Variants in G3BP1 observed in about 807,000 individuals in gnomAD.
The protein encoded by G3BP1 is ras GTPase-activating protein-binding protein 1.
Under a neutral mutation model 58.6 loss-of-function variants are expected in G3BP1, and 35 were observed. The observed-to-expected ratio is 0.60, with a 90% confidence interval of 0.46 to 0.79. G3BP1 has a LOEUF of 0.79. Among genes scored for constraint, G3BP1 ranks in the 30% least tolerant of loss-of-function variants. The pLI is 0.00. For missense variants in G3BP1, 523 were observed against 580.8 expected, an observed-to-expected ratio of 0.90 and a Z score of 1.02; for synonymous variants, 191 against 195.4, an observed-to-expected ratio of 0.98 and a Z score of 0.19.
Position 151,790,402 on chromosome 5 carries a change from A to G in G3BP1, c.175A>G (p.Lys59Glu), listed in dbSNP as rs769641449. The G allele has an allele frequency of 1.9e-6, 3 of 1,560,218 alleles. No homozygotes were observed. In the South Asian group the frequency reaches 3.6e-5, roughly 19 times the overall value. ...GKPADAVYGQ[K>E]EIHRKVMSQN... The stretch of plus-strand genomic sequence containing the variant: ...GCCAGCAGATGCAGTCTACGGACAG[A>G]AAGTAAGCATTTCAAGCCTTATTTA... The change falls in exon 3 of 12, where the codon AAA becomes GAA. Residue 59 changes from lysine to glutamate, a missense_variant and splice_region_variant. Physicochemically the swap from Lys to Glu is moderately conservative, Grantham distance 56. Coordinates refer to ENST00000356245, the MANE Select transcript of G3BP1 (RefSeq NM_005754.3).
intron 6 of G3BP1, among the ~76,000 whole-genome samples, chr5:151,795,964 T>C (rs1185836429): frequency 1.3e-5 from 2 of 152,234 alleles, no homozygotes; most frequent in Non-Finnish European, 2.9e-5. Flanking sequence ...TAAATACCAA[T>C]ATGTGAGTTA....
chr5:151,781,992 GA>G (rs893379596), intron 1 of G3BP1, among the ~76,000 whole-genome samples: 2 of 151,384 alleles, frequency 1.3e-5, no homozygotes, highest in Non-Finnish European at 2.9e-5. Flanking sequence ...AAATGCTTGG[GA>G]TTTTTTTTTT....
At chr5:151,800,192 C>G in intron 9 of G3BP1, 26 bp from the exon 10 acceptor site, 1 of 1,608,310 alleles carries the variant, frequency 6.2e-7, no homozygotes, top group Non-Finnish European at 8.5e-7. Flanking sequence ...TCTTGTCTTT[C>G]ATTGATGTTT....
chr5:151,806,015 T>C lies in G3BP1; in HGVS notation c.*1924T>C, dbSNP rs1196668661. 2.6e-5 allele frequency: 4 copies of C among 152,126 alleles called. No individual in the cohort carries two copies. Among genetic ancestry groups the C allele is most frequent in the African/African-American group, 9.7e-5 (4 of 41,408 alleles). The allele number at this position is 152,126 out of a possible 1,614,324, so 9.4% of individuals were successfully genotyped here. On this transcript the variant is annotated 3_prime_UTR_variant, in exon 12 of 12. Coordinates refer to ENST00000356245, the MANE Select transcript of G3BP1 (RefSeq NM_005754.3). ...CTAGATGCAGCAATCCTCAGCTTGG[T>C]GTTATCACATACTAGAGGACATTTG...
chr5:151,790,821 T>C (rs1270707637), intron 3 of G3BP1, 68 bp from the exon 4 acceptor site: 3 of 891,820 alleles, frequency 3.4e-6, no homozygotes, highest in Non-Finnish European at 5.2e-6. Context: ...AGGTTTTTTT[T>C]AGTTGGAGGT....
In G3BP1 at chr5:151,811,888, C is replaced by A. The variant is rs780980053; in HGVS notation, c.*7797C>A. 3.9e-5 allele frequency: 6 copies of A among 152,180 alleles called. No individual in the cohort carries two copies. The highest frequency in any genetic ancestry group is 8.8e-5 in the Non-Finnish European group (6 of 68,028). The allele number at this position is 152,180 out of a possible 1,614,324, so 9.4% of individuals were successfully genotyped here. A position where few individuals can be genotyped will look rare whatever the true frequency, so the allele number is the denominator to read the frequency against. On this transcript the variant is annotated 3_prime_UTR_variant, in exon 12 of 12. Coordinates refer to ENST00000356245, the MANE Select transcript of G3BP1 (RefSeq NM_005754.3). ...AATTTCCATATAAAAGACATACTAT[C>A]ACATTTTCTTCTTCATAAGGATGAG... is the stretch of plus-strand genomic sequence containing the variant.
Position 151,809,364 on chromosome 5 carries a change from A to G in G3BP1, c.*5273A>G, listed in dbSNP as rs1376058284. 5 of 152,152 alleles carry G rather than the reference A, an allele frequency of 3.3e-5. No individual in the cohort carries two copies. Among genetic ancestry groups the G allele is most frequent in the Non-Finnish European group, 5.9e-5 (4 of 68,026 alleles). 9.4% of individuals were successfully genotyped at this position (152,152 alleles called of 1,614,324 possible). A position where few individuals can be genotyped will look rare whatever the true frequency, so the allele number is the denominator to read the frequency against. ...GAGTAGGAGATGAGAAAACTTTTTG[A>G]AAAATCATTTGGTGCATGCTAAGGT... On this transcript the variant is annotated 3_prime_UTR_variant, in exon 12 of 12. Transcript: ENST00000356245.
intron 1 of G3BP1, among the ~76,000 whole-genome samples, chr5:151,779,577 A>G (rs546215005): frequency 5.9e-5 from 9 of 152,348 alleles, no homozygotes; most frequent in African/African-American, 1.9e-4. Context: ...TACTAAAAAC[A>G]CTTTTAAATA....
At chr5:151,788,674 A>G (rs761021389) in intron 2 of G3BP1, among the ~76,000 whole-genome samples, 1 of 149,536 alleles carries the variant, frequency 6.7e-6, no homozygotes, top group Non-Finnish European at 1.5e-5. Context: ...CCTGGAATGC[A>G]GTGGTGAGAG....
At chr5:151,784,489 GTGTC>G (rs2113225226) in intron 1 of G3BP1, among the ~76,000 whole-genome samples, 1 of 152,290 alleles carries the variant, frequency 6.6e-6, no homozygotes, top group Admixed American at 6.5e-5. Flanking sequence ...TAAAAAAATT[GTGTC>G]TGTTATGTGT....
At chr5:151,801,734 C>T (rs1014440969) in intron 11 of G3BP1, among the ~76,000 whole-genome samples, 32 of 152,230 alleles carry the variant, frequency 2.1e-4, no homozygotes, top group African/African-American at 7.0e-4. Flanking sequence ...AAATTGTGTA[C>T]TTTAAACCAT....
chr5:151,797,578 T>G, intron 7 of G3BP1, 150 bp downstream of exon 7: 1 of 851,246 alleles, frequency 1.2e-6, no homozygotes. Context: ...TTGAGCCATA[T>G]GTTTGATAAG....
At chr5:151,796,466 C>T (rs1464107624) in intron 6 of G3BP1, among the ~76,000 whole-genome samples, 3 of 152,166 alleles carry the variant, frequency 2.0e-5, no homozygotes, top group Non-Finnish European at 4.4e-5. Context: ...TGGGGTTTCG[C>T]CATATTGGCC....
At chr5:151,800,063 G>C in intron 9 of G3BP1, 63 bp downstream of exon 9, 1 of 1,217,486 alleles carries the variant, frequency 8.2e-7, no homozygotes, top group South Asian at 1.3e-5. Context: ...TATTTTGGGA[G>C]GGCAGTTGAT....
Position 151,786,905 on chromosome 5 carries a change from C to T in G3BP1, c.95+190C>T, listed in dbSNP as rs1433302302. 5.3e-5 allele frequency: 23 copies of T among 430,242 alleles called. No individual in the cohort carries two copies. The East Asian group carries it at 7.1e-4, about 13-fold the overall frequency. The allele number at this position is 430,242 out of a possible 1,614,324, so 26.7% of individuals were successfully genotyped here. Reference sequence around the variant, plus strand: ...TTGTCCAGACTGGAGTGCAGTGGTGCGATCTGGACTGACTGCAACGTCCAC... The same window carrying T: ...TTGTCCAGACTGGAGTGCAGTGGTGTGATCTGGACTGACTGCAACGTCCAC... On this transcript the variant is annotated intron_variant, in intron 2 of 11. Transcript: ENST00000356245.
In G3BP1 at chr5:151,799,981, C is replaced by G. The variant is rs1284308185; in HGVS notation, c.936C>G (p.Pro312=). 2.5e-6 allele frequency: 4 copies of G among 1,606,112 alleles called. No individual in the cohort carries two copies. Among genetic ancestry groups the G allele is most frequent in the Non-Finnish European group, 3.4e-6 (4 of 1,172,918 alleles). The change falls in exon 9 of 12, where the codon CCC becomes CCG. Residue 312 remains proline (P), a synonymous_variant. Transcript: ENST00000356245. The part of the protein sequence containing the change: ...RVREQRINIP[P]QRGPRPIREA... ...GAGAACAACGAATAAATATTCCTCC[C>G]CAAAGGGGACCCAGACCAAGTAAGA...
chr5:151,794,122 C>T, intron 4 of G3BP1, 37 bp from the exon 5 acceptor site: 2 of 1,252,570 alleles, frequency 1.6e-6, no homozygotes, highest in Non-Finnish European at 2.3e-6. Context: ...TTCTAAAAGT[C>T]TGTTGAATAA....
intron 1 of G3BP1, among the ~76,000 whole-genome samples, chr5:151,778,532 C>T (rs1762412753): frequency 6.6e-6 from 1 of 152,088 alleles, no homozygotes; most frequent in African/African-American, 2.4e-5. Context: ...ACCTCTGCCT[C>T]CTGGGTTTAG....
Position 151,799,197 on chromosome 5 carries a change from G to A in G3BP1, c.742-15G>A. On this transcript the variant is annotated splice_polypyrimidine_tract_variant and intron_variant, in intron 7 of 11. Coordinates refer to ENST00000356245, the MANE Select transcript of G3BP1 (RefSeq NM_005754.3). ...TACCTGGTATAATTATGTAATGTTG[G>A]TATTGCTCCCTTAGACATTTTCTTG... 1 of 1,242,998 alleles carries A rather than the reference G, an allele frequency of 8.0e-7. No homozygotes were observed. The highest frequency in any genetic ancestry group is 1.2e-5 in the South Asian group (1 of 83,726). The allele number at this position is 1,242,998 out of a possible 1,614,324, so 77.0% of individuals were successfully genotyped here. A position where few individuals can be genotyped will look rare whatever the true frequency, so the allele number is the denominator to read the frequency against.
Sources: gnomAD v4.1 joint callset for allele counts (sites outside exome capture counted in the v4.1 genomes callset) on GRCh38, gnomAD v4.1.1 for gene constraint, MANE v1.5 for transcripts, NCBI Gene and HGNC (gene_info 2026-07-23, HGNC 2026-07-21) for gene names.